NBEA: variants seen among roughly 807,000 people sequenced by gnomAD.
The protein encoded by NBEA is neurobeachin.
NBEA carries 44 observed loss-of-function variants against 343.4 expected under a neutral mutation model. The ratio of observed to expected loss-of-function variants is 0.13; its 90% CI spans 0.10 to 0.16. NBEA has a LOEUF of 0.16. Ranked by LOEUF, NBEA falls within the 10% of genes least tolerant of loss-of-function variation. NBEA has a pLI of 1.00. For missense variants in NBEA, 2,555 were observed against 3,631.3 expected, an observed-to-expected ratio of 0.70 and a Z score of 7.62; for synonymous variants, 1,175 against 1,238.7, an observed-to-expected ratio of 0.95 and a Z score of 1.08.
At chr13:35,286,507 G>A (rs2035434976) in intron 34 of NBEA, among the ~76,000 whole-genome samples, 1 of 152,018 alleles carries the variant, frequency 6.6e-6, no homozygotes, top group Non-Finnish European at 1.5e-5. Context: ...CCACCATGAG[G>A]AACATTCTGC....
chr13:34,959,902 A>G (rs1359717531), intron 1 of NBEA, among the ~76,000 whole-genome samples: 2 of 152,180 alleles, frequency 1.3e-5, no homozygotes, highest in African/African-American at 4.8e-5. Context: ...AGTTATGTAC[A>G]GTACATAATA....
intron 30 of NBEA, among the ~76,000 whole-genome samples, chr13:35,184,390 G>T (rs1480463749): frequency 6.6e-6 from 1 of 151,938 alleles, no homozygotes; most frequent in African/African-American, 2.4e-5. Context: ...TAATATAAAG[G>T]CTACTCTAGA....
intron 10 of NBEA, among the ~76,000 whole-genome samples, chr13:35,089,124 C>T (rs1315638360): frequency 1.2e-5 from 1 of 83,014 alleles, no homozygotes; most frequent in Non-Finnish European, 2.4e-5. Context: ...GAACAGGCAA[C>T]CTACAAAATG....
Position 35,290,895 on chromosome 13 carries a change from C to T in NBEA, c.5838+445C>T, listed in dbSNP as rs1379768261. On this transcript the variant is annotated intron_variant, in intron 35 of 58. Coordinates refer to ENST00000379939, the MANE Select transcript of NBEA (RefSeq NM_001385012.1). ...TTAATGAATGGTCTTTGATATAAGA[C>T]CTTGCTGCTTTCTCTTTTTTAAATG... Among the ~76,000 whole-genome samples the T allele has an allele frequency of 2.0e-5, 3 of 151,426 alleles. No homozygotes were observed. In the East Asian group the frequency reaches 5.8e-4, roughly 29 times the overall value.
At chr13:35,106,357 CTTCT>C (rs1194098454) in intron 11 of NBEA, among the ~76,000 whole-genome samples, 1 of 151,964 alleles carries the variant, frequency 6.6e-6, no homozygotes, top group Non-Finnish European at 1.5e-5. Flanking sequence ...AGTCAGAGAT[CTTCT>C]TTCTTCTTTT....
intron 39 of NBEA, among the ~76,000 whole-genome samples, chr13:35,441,000 AT>A (rs1301898720): frequency 6.6e-6 from 1 of 152,192 alleles, no homozygotes; most frequent in Non-Finnish European, 1.5e-5. Flanking sequence ...TTAGAAAAAC[AT>A]TTTTAAATGT....
At chr13:34,992,263 T>TATA (rs1555269591) in intron 1 of NBEA, among the ~76,000 whole-genome samples, 41 of 97,408 alleles carry the variant, frequency 4.2e-4, no homozygotes, top group Non-Finnish European at 7.4e-4. Context: ...TATATATATA[T>TATA]TTTTTTTTTT....
At chr13:35,145,020 G>T (rs1193134057) in intron 18 of NBEA, among the ~76,000 whole-genome samples, 3 of 152,170 alleles carry the variant, frequency 2.0e-5, no homozygotes, top group Non-Finnish European at 4.4e-5. Context: ...AAATTATGTA[G>T]CCAGGTAGCC....
At chr13:35,631,276 G>A (rs929435491) in intron 49 of NBEA, among the ~76,000 whole-genome samples, 5 of 152,098 alleles carry the variant, frequency 3.3e-5, no homozygotes, top group Non-Finnish European at 1.5e-5. Flanking sequence ...AGACCATGTG[G>A]GAGGCACAAT....
chr13:35,014,154 T>A (rs925666544), intron 1 of NBEA, among the ~76,000 whole-genome samples: 1 of 152,074 alleles, frequency 6.6e-6, no homozygotes, highest in East Asian at 1.9e-4. Flanking sequence ...ACTTTTTTTT[T>A]ATCTCAAGCA....
chr13:35,108,865 C>T (rs116981694), intron 11 of NBEA, among the ~76,000 whole-genome samples: 362 of 151,888 alleles, frequency 2.4e-3, no homozygotes, highest in Non-Finnish European at 4.0e-3. Flanking sequence ...GAAGAGAAGG[C>T]CAAGGAAATA....
intron 41 of NBEA, among the ~76,000 whole-genome samples, chr13:35,503,398 CATT>C (rs552558638): frequency 1.3e-5 from 2 of 151,754 alleles, no homozygotes; most frequent in African/African-American, 4.8e-5. Context: ...TTGTAACCCA[CATT>C]ATTCACACAA....
At position 35,264,320 on chromosome 13, in the gene NBEA, A is replaced by G. The variant is rs527275711; in HGVS notation, c.5777-26069A>G. Among the ~76,000 whole-genome samples, 12 of 152,094 alleles carry G rather than the reference A, an allele frequency of 7.9e-5. No homozygotes were observed. The South Asian group carries it at 2.3e-3, about 29-fold the overall frequency. ...TCTGATGGCTTTTCTGATGAGTTCT[A>G]TTAAACAACTAAAGTGTTTATACTC... On this transcript the variant is annotated intron_variant, in intron 34 of 58. Coordinates refer to ENST00000379939, the MANE Select transcript of NBEA (RefSeq NM_001385012.1).
At chr13:34,991,166 G>A (rs1486304079) in intron 1 of NBEA, among the ~76,000 whole-genome samples, 1 of 152,106 alleles carries the variant, frequency 6.6e-6, no homozygotes, top group Non-Finnish European at 1.5e-5. Context: ...TCTCCAAACT[G>A]TTCCAACCTC....
chr13:35,622,620 T>C (rs1593393262), intron 48 of NBEA, among the ~76,000 whole-genome samples: 1 of 152,154 alleles, frequency 6.6e-6, no homozygotes, highest in East Asian at 1.9e-4. Flanking sequence ...ACAACTTCAG[T>C]CAAATTATGA....
intron 40 of NBEA, among the ~76,000 whole-genome samples, chr13:35,465,364 G>A (rs1234378858): frequency 6.6e-6 from 1 of 152,068 alleles, no homozygotes; most frequent in Non-Finnish European, 1.5e-5. Flanking sequence ...GGGAGAAACA[G>A]ACTTTTAAAC....
At chr13:35,218,869 G>T (rs2074212213) in intron 33 of NBEA, among the ~76,000 whole-genome samples, 1 of 151,894 alleles carries the variant, frequency 6.6e-6, no homozygotes, top group African/African-American at 2.4e-5. Flanking sequence ...ATGTGAAATA[G>T]ATTTATCTCT....
At position 35,068,362 on chromosome 13, in the gene NBEA, T is replaced by C. The variant is rs568446244; in HGVS notation, c.1240-1546T>C. On this transcript the variant is annotated intron_variant, in intron 8 of 58. Transcript: ENST00000379939. Reference sequence around the variant, plus strand: ...ATATATTAAAATTTGTTAATTCCAGTGTAAGCAGTATGAACAAAATGAAAG... The same window carrying C: ...ATATATTAAAATTTGTTAATTCCAGCGTAAGCAGTATGAACAAAATGAAAG... 2.0e-5 allele frequency among the ~76,000 whole-genome samples: 3 copies of C among 152,276 alleles called. No individual in the cohort carries two copies. The South Asian group carries it at 6.2e-4, about 32-fold the overall frequency.
At chr13:35,422,023 G>T (rs2044304063) in intron 38 of NBEA, among the ~76,000 whole-genome samples, 2 of 150,756 alleles carry the variant, frequency 1.3e-5, no homozygotes, top group African/African-American at 2.4e-5. Flanking sequence ...AGTTCAGTAA[G>T]CTACTTAAAT....
Sources: gnomAD v4.1 joint callset for allele counts (sites outside exome capture counted in the v4.1 genomes callset) on GRCh38, gnomAD v4.1.1 for gene constraint, MANE v1.5 for transcripts, NCBI Gene and HGNC (gene_info 2026-07-23, HGNC 2026-07-21) for gene names.